Variants in C10orf90 observed in about 807,000 individuals in gnomAD.
C10orf90 encodes (E2-independent) E3 ubiquitin-conjugating enzyme FATS.
A neutral mutation model predicts 62.5 loss-of-function variants in C10orf90; 56 were observed. The ratio of observed to expected loss-of-function variants is 0.90; its 90% confidence interval spans 0.72 to 1.12. C10orf90 has a LOEUF of 1.12. Among genes scored for constraint, C10orf90 ranks in the 50% most tolerant of loss-of-function variants. The pLI is 0.00. For synonymous variants in C10orf90, 386 were observed against 340.4 expected (o/e 1.13, Z -1.47); for missense variants, 970 against 880.4 (o/e 1.10, Z -1.29).
intron 7 of C10orf90, among the ~76,000 whole-genome samples, chr10:126,442,413 A>G (rs1348562929): frequency 2.1e-5 from 3 of 140,308 alleles, no homozygotes; most frequent in Non-Finnish European, 3.1e-5. Context: ...TTACAAAACA[A>G]TTACTAATAG....
intron 2 of C10orf90, among the ~76,000 whole-genome samples, chr10:126,604,153 C>T (rs1845258569): frequency 6.6e-6 from 1 of 152,200 alleles, no homozygotes. Flanking sequence ...GGCTGGGCTC[C>T]ATCCAGAAAC....
chr10:126,525,411 T>C (rs1863907567), intron 2 of C10orf90, among the ~76,000 whole-genome samples: 1 of 152,156 alleles, frequency 6.6e-6, no homozygotes, highest in South Asian at 2.1e-4. Flanking sequence ...CCAGCAACAA[T>C]GTGATTCTTG....
In C10orf90 at chr10:126,453,887, T is replaced by C. The variant is rs969513494; in HGVS notation, c.2188+5153A>G. On this transcript the variant is annotated intron_variant, in intron 7 of 9. Transcript: ENST00000488181. The surrounding 1 kb of genome is among the most constrained non-coding windows in gnomAD (Gnocchi z 4.9). ...GGTTTGGGAACCCTGATCATGAGTG[T>C]TTTTGGAGTGAAGGAAGGACAGGAA... Among the ~76,000 whole-genome samples the C allele has an allele frequency of 2.0e-5, 3 of 151,802 alleles. No individual in the cohort carries two copies. Among genetic ancestry groups the C allele is most frequent in the African/African-American group, 7.3e-5 (3 of 41,334 alleles).
At chr10:126,517,778 T>C (rs1863519386) in intron 2 of C10orf90, among the ~76,000 whole-genome samples, 1 of 151,886 alleles carries the variant, frequency 6.6e-6, no homozygotes, top group Non-Finnish European at 1.5e-5. Context: ...GGCATGATGG[T>C]GTGCATCTGT....
At chr10:126,525,803 GTTC>G (rs137957681) in intron 2 of C10orf90, among the ~76,000 whole-genome samples, 14,200 of 152,042 alleles carry the variant, frequency 0.093, 1,051 homozygotes, top group African/African-American at 0.21. Flanking sequence ...GAACAAGGTT[GTTC>G]TTCTCCCTGG....
At chr10:126,526,660 C>T (rs1262392417) in intron 2 of C10orf90, among the ~76,000 whole-genome samples, 1 of 152,150 alleles carries the variant, frequency 6.6e-6, no homozygotes, top group Non-Finnish European at 1.5e-5. Context: ...GCAACCATCA[C>T]CAAATTCCAG....
chr10:126,609,345 G>T (rs1845382278), intron 2 of C10orf90, among the ~76,000 whole-genome samples: 1 of 152,224 alleles, frequency 6.6e-6, no homozygotes, highest in Admixed American at 6.5e-5. Context: ...AGAGGTTGCA[G>T]TGAGCCGAGA....
rs147313617 is a variant in C10orf90 at position 126,587,302 on chromosome 10, C to A, written c.313+59263G>T. ...AAATTCCTGTATCAGTCAGCTCAGG[C>A]TGCCATAACGAAACACCACAAAGTG... On this transcript the variant is annotated intron_variant, in intron 2 of 9. Coordinates refer to ENST00000488181, the MANE Select transcript of C10orf90 (RefSeq NM_001350921.2). 9.8e-5 allele frequency among the ~76,000 whole-genome samples: 15 copies of A among 152,342 alleles called. No homozygotes were observed. In the East Asian group the frequency reaches 2.9e-3, roughly 29 times the overall value.
intron 2 of C10orf90, among the ~76,000 whole-genome samples, chr10:126,525,894 G>C (rs1863927478): frequency 6.6e-6 from 1 of 152,046 alleles, no homozygotes; most frequent in Non-Finnish European, 1.5e-5. Context: ...GCCCTGCACT[G>C]CCTGTCTTCT....
intron 2 of C10orf90, among the ~76,000 whole-genome samples, chr10:126,532,218 C>CCAA (rs1406739699): frequency 1.3e-5 from 2 of 152,148 alleles, no homozygotes; most frequent in Non-Finnish European, 2.9e-5. Flanking sequence ...CCTAACTTGA[C>CCAA]CTGTGGCTCT....
At chr10:126,483,101 T>C (rs1417168767) in intron 4 of C10orf90, among the ~76,000 whole-genome samples, 2 of 152,192 alleles carry the variant, frequency 1.3e-5, no homozygotes, top group African/African-American at 4.8e-5. Context: ...CTCCATGAAA[T>C]TGTTAACAAA....
At chr10:126,622,862 C>G (rs993111342) in intron 2 of C10orf90, among the ~76,000 whole-genome samples, 2 of 152,236 alleles carry the variant, frequency 1.3e-5, no homozygotes, top group Non-Finnish European at 2.9e-5. Flanking sequence ...CCTTCAGATA[C>G]CTACTTGACA....
At chr10:126,450,475 C>A (rs2134065946) in intron 7 of C10orf90, among the ~76,000 whole-genome samples, 1 of 152,248 alleles carries the variant, frequency 6.6e-6, no homozygotes, top group East Asian at 1.9e-4. Flanking sequence ...ATCAAAACAG[C>A]ATGGTGCTGG....
chr10:126,526,468 T>A (rs1319107389), intron 2 of C10orf90, among the ~76,000 whole-genome samples: 1 of 152,032 alleles, frequency 6.6e-6, no homozygotes, highest in Non-Finnish European at 1.5e-5. Context: ...ATGGTCTCGA[T>A]CTCCTGACCT....
intron 2 of C10orf90, among the ~76,000 whole-genome samples, chr10:126,621,432 T>C (rs1264629600): frequency 6.6e-6 from 1 of 152,196 alleles, no homozygotes; most frequent in Non-Finnish European, 1.5e-5. Context: ...TGACCCTTCA[T>C]GTCAGGAACA....
chr10:126,459,902 C>T (rs936676206), intron 6 of C10orf90, among the ~76,000 whole-genome samples: 1 of 152,222 alleles, frequency 6.6e-6, no homozygotes, highest in African/African-American at 2.4e-5. Flanking sequence ...TCCCAGATGC[C>T]GGGCTAGGTG....
At chr10:126,635,647 C>T (rs1845936348) in intron 2 of C10orf90, among the ~76,000 whole-genome samples, 1 of 152,198 alleles carries the variant, frequency 6.6e-6, no homozygotes, top group African/African-American at 2.4e-5. Context: ...CTGCACTCCC[C>T]TCCCAGACCT....
chr10:126,452,898 A>G (rs537501878), intron 7 of C10orf90, among the ~76,000 whole-genome samples: 7 of 152,278 alleles, frequency 4.6e-5, no homozygotes, highest in African/African-American at 1.7e-4. Flanking sequence ...ACTAGCCCCA[A>G]ATATTTATTA....
intron 2 of C10orf90, among the ~76,000 whole-genome samples, chr10:126,518,110 C>T (rs1197605528): frequency 6.6e-6 from 1 of 151,932 alleles, no homozygotes; most frequent in Non-Finnish European, 1.5e-5. Context: ...TCAATCCCTG[C>T]CTCAGGCTCT....
Sources: gnomAD v4.1 joint callset for allele counts (sites outside exome capture counted in the v4.1 genomes callset) on GRCh38, gnomAD v4.1.1 for gene constraint, Gnocchi (gnomAD v3.1) non-coding constraint, MANE v1.5 for transcripts, NCBI Gene and HGNC (gene_info 2026-07-23, HGNC 2026-07-21) for gene names.